The following RASSF5 variants were observed in gnomAD, a reference collection of about 807,000 sequenced individuals.
RASSF5 encodes Ras association domain family member 5, also known as ras association domain-containing protein 5.
In RASSF5, 25 loss-of-function variants were observed where a neutral mutation model predicts 40.5. The observed-to-expected ratio is 0.62, with a 90% CI of 0.45 to 0.86. RASSF5 has a LOEUF of 0.86. Ranked by LOEUF, RASSF5 falls within the 40% of genes least tolerant of loss-of-function variation. The pLI is 0.00. For missense variants in RASSF5, 521 were observed against 572.8 expected (o/e 0.91, Z 0.92); for synonymous variants, 246 against 252.4 (o/e 0.97, Z 0.24).
chr1:206,583,046 G>C, intron 2 of RASSF5: 1 of 489,010 alleles, frequency 2.0e-6, no homozygotes, highest in Non-Finnish European at 3.8e-6. Flanking sequence ...AGGAGACTGA[G>C]GCTTAGAGAA....
At chr1:206,544,003 C>G (rs782632438) in intron 2 of RASSF5, 1 of 152,202 alleles carries the variant, frequency 6.6e-6, no homozygotes, top group Non-Finnish European at 1.5e-5. Flanking sequence ...CCGCCTGACT[C>G]GGCCACCCAA....
At chr1:206,564,482 G>A (rs1668230484) in intron 2 of RASSF5, among the ~76,000 whole-genome samples, 1 of 152,182 alleles carries the variant, frequency 6.6e-6, no homozygotes, top group Non-Finnish European at 1.5e-5. Flanking sequence ...GCAGTTTAGG[G>A]AGAAAAGAAG....
At position 206,541,874 on chromosome 1, in the gene RASSF5, G is replaced by A. The variant is rs142450569; in HGVS notation, c.579+3581G>A. The stretch of plus-strand genomic sequence containing the variant: ...GCCCTCACGATGAAGTGAGGCCTCT[G>A]ATGGCTTGGTTCAGTCCTTTCGCTG... On this transcript the variant is annotated intron_variant, in intron 2 of 5. Transcript: ENST00000579436. 7.0e-4 allele frequency: 107 copies of A among 152,294 alleles called. 2 individuals are homozygous for A. Among genetic ancestry groups the A allele is most frequent in the African/African-American group, 2.5e-3 (105 of 41,560 alleles). The allele number at this position is 152,294 out of a possible 1,614,324, so 9.4% of individuals were successfully genotyped here.
chr1:206,510,277 G>A (rs1666582566), intron 1 of RASSF5, among the ~76,000 whole-genome samples: 1 of 152,108 alleles, frequency 6.6e-6, no homozygotes, highest in South Asian at 2.1e-4. Context: ...ATACTATGCA[G>A]TAGTTAAGAG....
chr1:206,583,621 T>C (rs1319048487), intron 3 of RASSF5: 1 of 488,408 alleles, frequency 2.0e-6, no homozygotes, highest in East Asian at 3.8e-5. Context: ...CTCTTTTAAC[T>C]CCTCCTCTGA....
chr1:206,565,153 T>A (rs1319148327), intron 2 of RASSF5, among the ~76,000 whole-genome samples: 1 of 152,146 alleles, frequency 6.6e-6, no homozygotes, highest in Non-Finnish European at 1.5e-5. Flanking sequence ...CCACCTTCAA[T>A]ACCTCAGGGG....
rs782268544 is a variant in RASSF5, at chr1:206,531,977, G to A, written c.458-6195G>A. 3.3e-5 allele frequency among the ~76,000 whole-genome samples: 5 copies of A among 151,974 alleles called. No individual in the cohort carries two copies. The highest frequency in any genetic ancestry group is 2.1e-4 in the South Asian group (1 of 4,820). ...TGAGGCAGGAGAATGGCGTGAACCC[G>A]GGAGGCGGAGCTTGCAGTGAGCCAA... is the stretch of plus-strand genomic sequence containing the variant. On this transcript the variant is annotated intron_variant, in intron 1 of 5. Transcript: ENST00000579436. The surrounding 1 kb of genome is among the most constrained non-coding windows in gnomAD (Gnocchi z 4.7).
chr1:206,519,777 CG>C, intron 1 of RASSF5, among the ~76,000 whole-genome samples: 3 of 152,224 alleles, frequency 2.0e-5, no homozygotes, highest in Admixed American at 2.0e-4. Context: ...ATGAAAAATA[CG>C]ATTTTTCTGA....
intron 2 of RASSF5, among the ~76,000 whole-genome samples, chr1:206,576,229 C>A (rs1477834996): frequency 6.6e-6 from 1 of 152,200 alleles, no homozygotes; most frequent in Non-Finnish European, 1.5e-5. Flanking sequence ...TAGGCTCTTG[C>A]AGTATGGATT....
chr1:206,509,943 C>T (rs1399341026), intron 1 of RASSF5, among the ~76,000 whole-genome samples: 1 of 152,124 alleles, frequency 6.6e-6, no homozygotes, highest in Non-Finnish European at 1.5e-5. Context: ...TTTTACTTTC[C>T]TGGGCGCTCA....
chr1:206,537,510 A>G (rs1667446538), intron 1 of RASSF5, among the ~76,000 whole-genome samples: 1 of 152,206 alleles, frequency 6.6e-6, no homozygotes. Flanking sequence ...TATTACCCAT[A>G]CAGGCTGAGT....
intron 1 of RASSF5, 152 bp downstream of exon 1, chr1:206,508,211 T>G: frequency 1.7e-6 from 1 of 571,954 alleles, no homozygotes; most frequent in Non-Finnish European, 2.8e-6. Context: ...CTGGGGACAG[T>G]CCGCTCCTTA....
intron 5 of RASSF5, 157 bp from the exon 6 acceptor site, chr1:206,586,669 C>T: frequency 1.5e-6 from 1 of 656,962 alleles, no homozygotes; most frequent in East Asian, 2.6e-5. Context: ...GCATGCAAAG[C>T]CCAGGCTTCG....
intron 3 of RASSF5, 100 bp downstream of exon 3, chr1:206,583,479 G>A (rs1282842840): frequency 2.4e-6 from 2 of 819,608 alleles, no homozygotes; most frequent in African/African-American, 1.7e-5. Context: ...CTCCCTGGCA[G>A]GTCCCCTCCC....
chr1:206,509,056 A>G (rs190419299), intron 1 of RASSF5, among the ~76,000 whole-genome samples: 124 of 151,866 alleles, frequency 8.2e-4, no homozygotes, highest in Admixed American at 2.2e-3. Context: ...GTTTACATGG[A>G]TATTTCAAAT....
At chr1:206,525,969 C>G (rs1190802085) in intron 1 of RASSF5, among the ~76,000 whole-genome samples, 1 of 152,130 alleles carries the variant, frequency 6.6e-6, no homozygotes, top group Non-Finnish European at 1.5e-5. Context: ...CAGAGGCTCC[C>G]AGCTTCACCC....
chr1:206,518,013 G>A (rs1429611780), intron 1 of RASSF5, among the ~76,000 whole-genome samples: 9 of 152,174 alleles, frequency 5.9e-5, no homozygotes, highest in Non-Finnish European at 2.9e-5. Flanking sequence ...CTCCTGGGCT[G>A]GGCACGTGGT....
intron 1 of RASSF5, among the ~76,000 whole-genome samples, chr1:206,512,798 G>T (rs569850197): frequency 6.6e-6 from 1 of 152,242 alleles, no homozygotes; most frequent in African/African-American, 2.4e-5. Flanking sequence ...CCGCAAGGCC[G>T]AACCCAGGTC....
intron 2 of RASSF5, chr1:206,571,437 C>T (rs1405655887): frequency 6.6e-6 from 1 of 152,156 alleles, no homozygotes; most frequent in Non-Finnish European, 1.5e-5. Context: ...GATCCACTCA[C>T]TCACCTACCC....
Sources: gnomAD v4.1 joint callset for allele counts (sites outside exome capture counted in the v4.1 genomes callset) on GRCh38, gnomAD v4.1.1 for gene constraint, Gnocchi (gnomAD v3.1) non-coding constraint, MANE v1.5 for transcripts, NCBI Gene and HGNC (gene_info 2026-07-23, HGNC 2026-07-21) for gene names.